The following GRIN2B variants were observed in gnomAD, a reference collection of about 807,000 sequenced individuals.
The protein encoded by GRIN2B is glutamate receptor ionotropic, NMDA 2B.
In GRIN2B, 5 loss-of-function variants were observed where a neutral mutation model predicts 114.5. The observed-to-expected ratio is 0.04, with a 90% CI of 0.02 to 0.09. The LOEUF is 0.09. GRIN2B is among the 10% of genes least tolerant of loss of function. The pLI is 1.00. For missense variants in GRIN2B, 1,108 were observed against 1,943.5 expected (o/e 0.57, Z 8.08); for synonymous variants, 787 against 745.1 (o/e 1.06, Z -0.92).
chr12:13,794,120 G>A (rs1310383066), intron 3 of GRIN2B, among the ~76,000 whole-genome samples: 17 of 143,216 alleles, frequency 1.2e-4, no homozygotes, highest in Non-Finnish European at 2.4e-4. Context: ...CAGGAGGATC[G>A]CTTGAGCTTG....
chr12:13,845,482 A>G (rs1865454954), intron 3 of GRIN2B, among the ~76,000 whole-genome samples: 2 of 152,178 alleles, frequency 1.3e-5, no homozygotes, highest in Admixed American at 6.5e-5. Context: ...TCTGTAGACT[A>G]TGAACTATTA....
intron 3 of GRIN2B, among the ~76,000 whole-genome samples, chr12:13,778,825 G>T (rs961270697): frequency 6.6e-5 from 10 of 152,118 alleles, no homozygotes; most frequent in African/African-American, 2.4e-4. Context: ...TTTGGTCCAA[G>T]ACCAGTGCTC....
chr12:13,560,394 A>C lies in GRIN2B; in HGVS notation c.*2389T>G, dbSNP rs1948526340. The C allele has an allele frequency of 6.6e-6, 1 of 152,250 alleles. No homozygotes were observed. Among genetic ancestry groups the C allele is most frequent in the Non-Finnish European group, 1.5e-5 (1 of 68,040 alleles). The allele number at this position is 152,250 out of a possible 1,614,324, so 9.4% of individuals were successfully genotyped here. ...AACACTTTATCTATACAAAATTAGA[A>C]AACAAAATATTTACATATGAAATAA... is the stretch of plus-strand genomic sequence containing the variant. On this transcript the variant is annotated 3_prime_UTR_variant, in exon 14 of 14. Coordinates refer to ENST00000609686, the MANE Select transcript of GRIN2B (RefSeq NM_000834.5).
At position 13,615,797 on chromosome 12, in the gene GRIN2B, C is replaced by T. The variant is rs987893547; in HGVS notation, c.1329-133G>A. On this transcript the variant is annotated intron_variant, in intron 6 of 13. Transcript: ENST00000609686. This position sits in a 1 kb window ranked among gnomAD's most constrained non-coding sequence, Gnocchi z 5.8. Reference sequence around the variant, plus strand: ...CCTTCACAGCTCAGCACAATTTATACTAGACTCGAGTGAAGAAATAAAGCA... The same window carrying T: ...CCTTCACAGCTCAGCACAATTTATATTAGACTCGAGTGAAGAAATAAAGCA... The T allele has an allele frequency of 5.3e-6, 4 of 748,264 alleles. No homozygotes were observed. Among genetic ancestry groups the T allele is most frequent in the South Asian group, 2.9e-5 (2 of 69,098 alleles). The allele number at this position is 748,264 out of a possible 1,614,324, so 46.4% of individuals were successfully genotyped here. A position where few individuals can be genotyped will look rare whatever the true frequency, so the allele number is the denominator to read the frequency against.
At chr12:13,632,699 A>G (rs1344165649) in intron 5 of GRIN2B, among the ~76,000 whole-genome samples, 1 of 152,096 alleles carries the variant, frequency 6.6e-6, no homozygotes, top group African/African-American at 2.4e-5. Context: ...GCTAGGCTGG[A>G]GGGTTGAGGG....
At chr12:13,947,305 A>G (rs1867379678) in intron 2 of GRIN2B, among the ~76,000 whole-genome samples, 1 of 152,142 alleles carries the variant, frequency 6.6e-6, no homozygotes, top group Admixed American at 6.5e-5. Context: ...GATAGGAAAA[A>G]ACTGAGGCTC....
chr12:13,567,622 A>C (rs1351943161), intron 12 of GRIN2B, among the ~76,000 whole-genome samples: 1 of 152,098 alleles, frequency 6.6e-6, no homozygotes, highest in Non-Finnish European at 1.5e-5. Flanking sequence ...GGTGACAGTA[A>C]TTCTGTGGAT....
At chr12:13,625,248 T>C (rs1481724786) in intron 5 of GRIN2B, among the ~76,000 whole-genome samples, 2 of 152,234 alleles carry the variant, frequency 1.3e-5, no homozygotes, top group Non-Finnish European at 2.9e-5. Context: ...CACGCTATGT[T>C]ACCAAGAGAA....
intron 5 of GRIN2B, among the ~76,000 whole-genome samples, chr12:13,647,641 CG>C (rs1457548171): frequency 6.6e-6 from 1 of 151,944 alleles, no homozygotes; most frequent in Non-Finnish European, 1.5e-5. Flanking sequence ...CCTGAAAGAG[CG>C]GAGAGGAGGA....
chr12:13,727,853 T>G (rs1374290685), intron 4 of GRIN2B, among the ~76,000 whole-genome samples: 1 of 152,172 alleles, frequency 6.6e-6, no homozygotes, highest in Non-Finnish European at 1.5e-5. Context: ...AATAGCTCTG[T>G]GGGGTAAAAT....
chr12:13,928,808 C>A (rs576142529), intron 2 of GRIN2B, among the ~76,000 whole-genome samples: 1 of 152,180 alleles, frequency 6.6e-6, no homozygotes, highest in African/African-American at 2.4e-5. Flanking sequence ...AAAACTGAAA[C>A]CCTATATGGG....
intron 3 of GRIN2B, among the ~76,000 whole-genome samples, chr12:13,844,626 G>A (rs1246624569): frequency 2.6e-5 from 4 of 152,072 alleles, no homozygotes; most frequent in South Asian, 2.1e-4. Flanking sequence ...TTAACTTAGG[G>A]GCCAGAAGAC....
At position 13,776,890 on chromosome 12, in the gene GRIN2B, A is replaced by C. The variant is rs569564059; in HGVS notation, c.412-22975T>G. On this transcript the variant is annotated intron_variant, in intron 3 of 13. Transcript: ENST00000609686. Reference sequence around the variant, plus strand: ...TACATTTATTATTTTATAGCCTTTCATTTCCTACCTCTGTACTTAGAAAAG... The same window carrying C: ...TACATTTATTATTTTATAGCCTTTCCTTTCCTACCTCTGTACTTAGAAAAG... 2.6e-5 allele frequency among the ~76,000 whole-genome samples: 4 copies of C among 152,290 alleles called. No individual in the cohort carries two copies. In the East Asian group the frequency reaches 7.7e-4, roughly 29 times the overall value.
intron 5 of GRIN2B, among the ~76,000 whole-genome samples, chr12:13,642,311 T>C (rs573104373): frequency 3.9e-5 from 6 of 152,320 alleles, no homozygotes; most frequent in Non-Finnish European, 7.4e-5. Context: ...ATTTTCACCA[T>C]TCTTCCCTGA....
At chr12:13,856,019 G>C (rs1033044176) in intron 3 of GRIN2B, among the ~76,000 whole-genome samples, 2 of 152,290 alleles carry the variant, frequency 1.3e-5, no homozygotes, top group East Asian at 3.9e-4. Context: ...AACAAGACAG[G>C]TTACAATAAA....
intron 5 of GRIN2B, among the ~76,000 whole-genome samples, chr12:13,653,513 G>C (rs756160976): frequency 6.6e-6 from 1 of 151,962 alleles, no homozygotes; most frequent in Non-Finnish European, 1.5e-5. Context: ...GGAAGGCAGA[G>C]TGGGAGTAAA....
At chr12:13,811,672 C>A (rs1444469735) in intron 3 of GRIN2B, among the ~76,000 whole-genome samples, 1 of 152,230 alleles carries the variant, frequency 6.6e-6, no homozygotes, top group Non-Finnish European at 1.5e-5. Flanking sequence ...CTATTACTTA[C>A]CTGAGGGCTG....
chr12:13,843,542 G>A (rs1865422640), intron 3 of GRIN2B, among the ~76,000 whole-genome samples: 1 of 152,048 alleles, frequency 6.6e-6, no homozygotes, highest in Admixed American at 6.6e-5. Flanking sequence ...AAATCAGTGT[G>A]ACAGCACTTT....
At chr12:13,878,329 TCTC>T (rs754705779) in intron 2 of GRIN2B, among the ~76,000 whole-genome samples, 1 of 152,142 alleles carries the variant, frequency 6.6e-6, no homozygotes, top group African/African-American at 2.4e-5. Flanking sequence ...TAAGCAATCC[TCTC>T]CTCATGACTG....
Sources: gnomAD v4.1 joint callset for allele counts (sites outside exome capture counted in the v4.1 genomes callset) on GRCh38, gnomAD v4.1.1 for gene constraint, Gnocchi (gnomAD v3.1) non-coding constraint, MANE v1.5 for transcripts, NCBI Gene and HGNC (gene_info 2026-07-23, HGNC 2026-07-21) for gene names.